The following TNFSF4 variants were observed in gnomAD, a reference collection of about 807,000 sequenced individuals.
The protein encoded by TNFSF4 is tumor necrosis factor ligand superfamily member 4.
Under a neutral mutation model 7.3 loss-of-function variants are expected in TNFSF4, and 4 were observed. The observed-to-expected ratio is 0.55, with a 90% CI of 0.27 to 1.25. TNFSF4 has a LOEUF of 1.25. Among genes scored for constraint, TNFSF4 ranks in the 50% most tolerant of loss-of-function variants. The pLI is 0.12. For synonymous variants in TNFSF4, 76 were observed against 83.7 expected (o/e 0.91, Z 0.50); for missense variants, 181 against 208.8 (o/e 0.87, Z 0.82).
chr1:173,231,814 CA>C, the TNFSF4 span, among the ~76,000 whole-genome samples: 1 of 152,050 alleles, frequency 6.6e-6, no homozygotes, highest in Non-Finnish European at 1.5e-5. Flanking sequence ...TCTTATACAC[CA>C]ATAACAGACA....
the TNFSF4 span, among the ~76,000 whole-genome samples, chr1:173,416,606 A>ATTTT: frequency 7.6e-4 from 33 of 43,614 alleles, 1 homozygote; most frequent in East Asian, 3.6e-3. Context: ...TTATTTTTTT[A>ATTTT]TTTTTATTTA....
At chr1:173,332,777 C>T in the TNFSF4 span, among the ~76,000 whole-genome samples, 1 of 152,028 alleles carries the variant, frequency 6.6e-6, no homozygotes, top group Non-Finnish European at 1.5e-5. Context: ...ATCACTTGAA[C>T]CCGGGAGGCA....
At chr1:173,243,128 ATAGACCT>A in the TNFSF4 span, among the ~76,000 whole-genome samples, 1 of 151,832 alleles carries the variant, frequency 6.6e-6, no homozygotes, top group Non-Finnish European at 1.5e-5. Context: ...CCAGGATCAA[ATAGACCT>A]CTCACAAGAT....
chr1:173,336,024 A>G, the TNFSF4 span, among the ~76,000 whole-genome samples: 69 of 152,184 alleles, frequency 4.5e-4, no homozygotes, highest in Non-Finnish European at 6.2e-4. Context: ...GTTCAGGTCT[A>G]TCTCACAGTC....
At chr1:173,362,527 T>C in the TNFSF4 span, 134 of 542,052 alleles carry the variant, frequency 2.5e-4, 1 homozygote, top group East Asian at 5.8e-3. Flanking sequence ...TTGGTTGGCT[T>C]TTGCCTCCAT....
the TNFSF4 span, among the ~76,000 whole-genome samples, chr1:173,389,003 C>T: frequency 6.6e-6 from 1 of 152,176 alleles, no homozygotes; most frequent in African/African-American, 2.4e-5. Flanking sequence ...TAGAGGCAAC[C>T]ACTGTTACCA....
At chr1:173,313,297 T>C in the TNFSF4 span, among the ~76,000 whole-genome samples, 1 of 152,088 alleles carries the variant, frequency 6.6e-6, no homozygotes, top group Admixed American at 6.6e-5. Context: ...ATACTTAGCA[T>C]TTTAATAGAA....
downstream of TNFSF4, among the ~76,000 whole-genome samples, chr1:173,182,721 A>G (rs1649077084): frequency 6.6e-6 from 1 of 152,220 alleles, no homozygotes; most frequent in African/African-American, 2.4e-5. Flanking sequence ...CTGGGCTGAA[A>G]AACGGTCTTA....
chr1:173,325,119 G>A, the TNFSF4 span, among the ~76,000 whole-genome samples: 3 of 152,098 alleles, frequency 2.0e-5, no homozygotes, highest in African/African-American at 7.2e-5. Context: ...TGGAAGTAAA[G>A]CTCTCCTCAG....
the TNFSF4 span, among the ~76,000 whole-genome samples, chr1:173,364,381 G>GTATATA: frequency 7.1e-6 from 1 of 140,798 alleles, no homozygotes; most frequent in Non-Finnish European, 1.6e-5. Context: ...GGGTGTATGT[G>GTATATA]TATATATATA....
chr1:173,314,932 T>C, the TNFSF4 span, among the ~76,000 whole-genome samples: 1 of 151,992 alleles, frequency 6.6e-6, no homozygotes, highest in African/African-American at 2.4e-5. Context: ...ATGGCCACAG[T>C]TAAATGGTAG....
the TNFSF4 span, among the ~76,000 whole-genome samples, chr1:173,390,871 G>A: frequency 4.0e-5 from 6 of 150,176 alleles, no homozygotes; most frequent in South Asian, 6.3e-4. Context: ...TCAGCCTCTC[G>A]AGTAGCTGGA....
chr1:173,248,989 A>G, the TNFSF4 span, among the ~76,000 whole-genome samples: 4 of 152,252 alleles, frequency 2.6e-5, no homozygotes, highest in Non-Finnish European at 4.4e-5. Flanking sequence ...TGACAACAAC[A>G]TGAATAAAAG....
the TNFSF4 span, among the ~76,000 whole-genome samples, chr1:173,245,822 A>G: frequency 5.3e-5 from 8 of 152,290 alleles, no homozygotes; most frequent in South Asian, 1.7e-3. Context: ...GATTCCGCAT[A>G]TGAGTGAGAT....
chr1:173,232,704 T>A, the TNFSF4 span, among the ~76,000 whole-genome samples: 26 of 152,334 alleles, frequency 1.7e-4, no homozygotes, highest in Non-Finnish European at 3.2e-4. Context: ...GTCGAAGGCC[T>A]TTTCTGCATC....
At chr1:173,291,915 T>C in the TNFSF4 span, among the ~76,000 whole-genome samples, 1 of 151,400 alleles carries the variant, frequency 6.6e-6, no homozygotes, top group Non-Finnish European at 1.5e-5. Context: ...ATAGATAAAT[T>C]CCTGAACACA....
chr1:173,298,635 G>C, the TNFSF4 span, among the ~76,000 whole-genome samples: 12 of 151,914 alleles, frequency 7.9e-5, no homozygotes, highest in African/African-American at 2.9e-4. Flanking sequence ...TGTTTAGCCA[G>C]AGCAGGACTC....
chr1:173,326,336 T>A, the TNFSF4 span, among the ~76,000 whole-genome samples: 11 of 152,284 alleles, frequency 7.2e-5, no homozygotes, highest in African/African-American at 2.6e-4. Flanking sequence ...CTAAAAACTC[T>A]CAATAAATTA....
upstream of TNFSF4, among the ~76,000 whole-genome samples, chr1:173,208,136 T>A (rs1371926255): frequency 6.6e-6 from 1 of 152,158 alleles, no homozygotes; most frequent in Non-Finnish European, 1.5e-5. Context: ...GAGTATTCTA[T>A]CAATAGACAC....
Sources: allele counts gnomAD v4.1 joint callset (sites outside exome capture counted in the v4.1 genomes callset), GRCh38; gene constraint gnomAD v4.1.1; transcripts MANE v1.5; gene names NCBI Gene and HGNC (gene_info 2026-07-23, HGNC 2026-07-21).